The following ANKRD6 variants were observed in gnomAD, a reference collection of about 807,000 sequenced individuals.
ANKRD6 encodes ankyrin repeat domain 6.
ANKRD6 carries 56 observed loss-of-function variants against 82.3 expected under a neutral mutation model. That is an observed-to-expected ratio of 0.68 (90% CI 0.55 to 0.85). ANKRD6 has a LOEUF of 0.85. Among genes scored for constraint, ANKRD6 ranks in the 40% least tolerant of loss-of-function variants. The pLI, the probability that ANKRD6 is intolerant of heterozygous loss-of-function variation, is 0.00. For missense variants in ANKRD6, 852 were observed against 907.6 expected, an observed-to-expected ratio of 0.94 and a Z score of 0.79; for synonymous variants, 347 against 352.1, an observed-to-expected ratio of 0.99 and a Z score of 0.16.
chr6:89,583,144 C>A (rs1792951934), intron 2 of ANKRD6, among the ~76,000 whole-genome samples: 1 of 152,204 alleles, frequency 6.6e-6, no homozygotes, highest in African/African-American at 2.4e-5. Flanking sequence ...CTACTCACTG[C>A]TGTTGGTATT....
At chr6:89,516,417 G>A (rs929124754) in intron 1 of ANKRD6, among the ~76,000 whole-genome samples, 2 of 152,132 alleles carry the variant, frequency 1.3e-5, no homozygotes, top group Non-Finnish European at 2.9e-5. Flanking sequence ...TGGTTTTCCT[G>A]GGTTTCCAGC....
At chr6:89,485,780 A>T (rs854872) in intron 1 of ANKRD6, among the ~76,000 whole-genome samples, 30,136 of 152,140 alleles carry the variant, frequency 0.2, 3,477 homozygotes, top group Non-Finnish European at 0.26. Flanking sequence ...CTTATTTGAT[A>T]GTGAAGTGCT....
At chr6:89,486,148 T>C (rs959006184) in intron 1 of ANKRD6, among the ~76,000 whole-genome samples, 5 of 152,210 alleles carry the variant, frequency 3.3e-5, no homozygotes, top group Admixed American at 3.3e-4. Flanking sequence ...CTGAGACATA[T>C]AGTCATGTGT....
intron 2 of ANKRD6, among the ~76,000 whole-genome samples, chr6:89,590,742 C>T (rs1392229464): frequency 1.3e-5 from 2 of 152,076 alleles, no homozygotes; most frequent in African/African-American, 4.8e-5. Context: ...TGCGGCTGAG[C>T]TCAGATGGCT....
intron 1 of ANKRD6, among the ~76,000 whole-genome samples, chr6:89,457,494 G>A (rs940957517): frequency 3.9e-5 from 6 of 152,084 alleles, no homozygotes; most frequent in Admixed American, 3.3e-4. Flanking sequence ...CACTTAATGA[G>A]GTAATATTTT....
intron 1 of ANKRD6, among the ~76,000 whole-genome samples, chr6:89,552,834 C>T (rs1786032119): frequency 6.6e-6 from 1 of 152,208 alleles, no homozygotes; most frequent in Admixed American, 6.5e-5. Flanking sequence ...CCATGAAGCG[C>T]ATTCTATGGG....
At chr6:89,588,878 G>A (rs942283216) in intron 2 of ANKRD6, among the ~76,000 whole-genome samples, 3 of 151,366 alleles carry the variant, frequency 2.0e-5, no homozygotes, top group African/African-American at 4.9e-5. Flanking sequence ...GGTGGTGCAC[G>A]CCTGTAGTCC....
At chr6:89,514,106 G>A (rs982437649) in intron 1 of ANKRD6, among the ~76,000 whole-genome samples, 1 of 152,120 alleles carries the variant, frequency 6.6e-6, no homozygotes, top group Non-Finnish European at 1.5e-5. Context: ...GGCCGGGTGC[G>A]GTAGATCATG....
At chr6:89,596,145 T>C (rs1446462376) in intron 3 of ANKRD6, 131 bp downstream of exon 3, 2 of 779,038 alleles carry the variant, frequency 2.6e-6, no homozygotes, top group East Asian at 2.7e-5. Flanking sequence ...TGCATCTTGG[T>C]CTCTGTGGCA....
chr6:89,509,716 C>T (rs2127933656), intron 1 of ANKRD6, among the ~76,000 whole-genome samples: 1 of 152,322 alleles, frequency 6.6e-6, no homozygotes, highest in East Asian at 1.9e-4. Flanking sequence ...TAGAAATCGT[C>T]ATTTAATCTT....
intron 1 of ANKRD6, among the ~76,000 whole-genome samples, chr6:89,542,251 T>C (rs1277017049): frequency 1.3e-5 from 2 of 152,186 alleles, no homozygotes. Context: ...GCGCTTTTTC[T>C]GGGTGAGAGG....
chr6:89,586,981 G>A (rs4235838), intron 2 of ANKRD6, among the ~76,000 whole-genome samples: 46,344 of 151,714 alleles, frequency 0.31, 7,717 homozygotes, highest in East Asian at 0.61. Flanking sequence ...TTAAGGTCAG[G>A]AGTTCAAAAC....
rs1269935586 is a variant in ANKRD6 at position 89,630,792 on chromosome 6, A to G, written c.1972A>G (p.Ile658Val). ...ATGSEQTGPH[I>V]RDTSQALELT... is the part of the protein sequence containing the mutation. Reference sequence around the variant, plus strand: ...AGGCAGCGAGCAGACTGGCCCTCACATTCGGGACACCTCCCAAGCTCTGGA... The same window carrying G: ...AGGCAGCGAGCAGACTGGCCCTCACGTTCGGGACACCTCCCAAGCTCTGGA... The change falls in exon 16 of 16, where the codon ATT becomes GTT. Residue 658 changes from isoleucine (I) to valine (V), a missense_variant. Transcript: ENST00000339746. 1 of 1,613,982 alleles carries G rather than the reference A, an allele frequency of 6.2e-7. No homozygotes were observed. Among genetic ancestry groups the G allele is most frequent in the Admixed American group, 1.7e-5 (1 of 60,034 alleles).
rs190357930 is a variant in ANKRD6 at position 89,585,765 on chromosome 6, G to A, written c.121-10151G>A. Among the ~76,000 whole-genome samples, 490 of 152,230 alleles carry A rather than the reference G, an allele frequency of 3.2e-3. 2 individuals are homozygous for A. The highest frequency in any genetic ancestry group is 3.8e-3 in the Non-Finnish European group (260 of 68,014). ...CTCTAAAAAAATACAAAAATTAACC[G>A]AGCTTGATGATGTGTGCCTGTAGTC... On this transcript the variant is annotated intron_variant, in intron 2 of 15. Transcript: ENST00000339746.
chr6:89,532,743 C>T (rs950411569), intron 1 of ANKRD6, among the ~76,000 whole-genome samples: 7 of 152,048 alleles, frequency 4.6e-5, no homozygotes, highest in Non-Finnish European at 7.4e-5. Flanking sequence ...ACTCTGTCAC[C>T]GAAGTTGGAG....
intron 1 of ANKRD6, among the ~76,000 whole-genome samples, chr6:89,535,866 G>T (rs1455982264): frequency 6.6e-6 from 1 of 152,222 alleles, no homozygotes; most frequent in Admixed American, 6.5e-5. Context: ...ATGGTCTCTT[G>T]TTCACTTTCC....
At chr6:89,607,062 C>T (rs185547848) in intron 5 of ANKRD6, among the ~76,000 whole-genome samples, 18 of 151,474 alleles carry the variant, frequency 1.2e-4, no homozygotes, top group Admixed American at 2.6e-4. Flanking sequence ...CCCAGCTACT[C>T]GGAAGGCTGA....
intron 1 of ANKRD6, among the ~76,000 whole-genome samples, chr6:89,510,728 A>G (rs1415243544): frequency 2.0e-5 from 3 of 152,084 alleles, no homozygotes; most frequent in Admixed American, 6.6e-5. Flanking sequence ...CAAGTGATAC[A>G]ATTTCTGTCT....
Position 89,628,636 on chromosome 6 carries a change from G to A in ANKRD6, c.1486-476G>A, listed in dbSNP as rs544994691. On this transcript the variant is annotated intron_variant, in intron 14 of 15. Transcript: ENST00000339746. ...TACAAAAAACTTAGTCAGGCGTGGT[G>A]GTGGACACCTGTAGTCCCAGCTACT... 13 of 181,900 alleles carry A rather than the reference G, an allele frequency of 7.1e-5. No individual in the cohort carries two copies. The South Asian group carries it at 1.4e-3, about 19-fold the overall frequency. The allele number at this position is 181,900 out of a possible 1,614,324, so 11.3% of individuals were successfully genotyped here.
Sources: gnomAD v4.1 joint callset for allele counts (sites outside exome capture counted in the v4.1 genomes callset) on GRCh38, gnomAD v4.1.1 for gene constraint, MANE v1.5 for transcripts, NCBI Gene and HGNC (gene_info 2026-07-23, HGNC 2026-07-21) for gene names.